Variants in RNF125 observed in about 807,000 individuals in gnomAD.
RNF125 encodes the protein ring finger protein 125, also known as E3 ubiquitin-protein ligase RNF125.
A neutral mutation model predicts 26.0 loss-of-function variants in RNF125; 21 were observed. The ratio of observed to expected loss-of-function variants is 0.81; its 90% CI spans 0.57 to 1.16. The LOEUF (loss-of-function observed/expected upper bound fraction) is 1.16. RNF125 is among the 50% of genes most tolerant of loss of function. The pLI is 0.00. For missense variants in RNF125, 270 were observed against 299.4 expected (o/e 0.90, Z 0.72); for synonymous variants, 95 against 109.2 (o/e 0.87, Z 0.81).
At chr18:32,030,801 C>T (rs1359039348) in intron 1 of RNF125, among the ~76,000 whole-genome samples, 2 of 152,180 alleles carry the variant, frequency 1.3e-5, no homozygotes, top group Non-Finnish European at 2.9e-5. Flanking sequence ...GGGTCATCCC[C>T]TGGTGGAAAG....
In RNF125 at chr18:32,019,002, C is replaced by G. The variant is rs2038959053; in HGVS notation, c.139C>G (p.Pro47Ala). The G allele has an allele frequency of 6.2e-7, 1 of 1,613,420 alleles. No homozygotes were observed. Among genetic ancestry groups the G allele is most frequent in the Non-Finnish European group, 8.5e-7 (1 of 1,179,720 alleles). Residue 47 changes from proline to alanine, a missense_variant, in exon 1 of 6, where the codon CCT (proline) becomes GCT (alanine). Coordinates refer to ENST00000217740, the MANE Select transcript of RNF125 (RefSeq NM_017831.4). ...CAVCLEVLHQPVRTRCGHVFC... is the reference protein window; with the variant it reads ...CAVCLEVLHQAVRTRCGHVFC... ...CGTGTGCCTTGAGGTGTTACACCAGCCTGTCCGGACCCGCTGTGGCCACGT... is the reference window on the plus strand; with the variant it reads ...CGTGTGCCTTGAGGTGTTACACCAGGCTGTCCGGACCCGCTGTGGCCACGT...
the RNF125 span, among the ~76,000 whole-genome samples, chr18:32,080,848 C>T: frequency 1.3e-4 from 20 of 152,236 alleles, no homozygotes; most frequent in African/African-American, 4.8e-4. Flanking sequence ...TGCACTCTAG[C>T]CTGGGGGACT....
chr18:32,049,689 T>G (rs1356579386), intron 4 of RNF125, among the ~76,000 whole-genome samples: 2 of 152,008 alleles, frequency 1.3e-5, no homozygotes, highest in Non-Finnish European at 2.9e-5. Flanking sequence ...AGGAGCAGAT[T>G]GTTCAGAAAT....
intron 2 of RNF125, among the ~76,000 whole-genome samples, chr18:32,038,728 AGAGT>A (rs1015080809): frequency 1.3e-5 from 2 of 152,166 alleles, no homozygotes; most frequent in African/African-American, 4.8e-5. Flanking sequence ...CCAGAGAAAG[AGAGT>A]AAGTTTTGGA....
intron 2 of RNF125, among the ~76,000 whole-genome samples, chr18:32,037,898 C>T (rs2039175180): frequency 6.6e-6 from 1 of 152,144 alleles, no homozygotes; most frequent in Non-Finnish European, 1.5e-5. Context: ...AGAAACGGAA[C>T]ATGGGCGGGG....
intron 2 of RNF125, among the ~76,000 whole-genome samples, chr18:32,038,024 C>T (rs1348042716): frequency 6.6e-6 from 1 of 150,760 alleles, no homozygotes; most frequent in African/African-American, 2.4e-5. Context: ...TGCTACCACT[C>T]ACTCTTTGGG....
the RNF125 span, among the ~76,000 whole-genome samples, chr18:32,080,862 C>T: frequency 6.6e-6 from 1 of 151,726 alleles, no homozygotes; most frequent in African/African-American, 2.4e-5. Flanking sequence ...GGGGACTGTG[C>T]GAGACTGCGT....
intron 5 of RNF125, among the ~76,000 whole-genome samples, chr18:32,067,108 T>C (rs1292353996): frequency 6.6e-6 from 1 of 151,974 alleles, no homozygotes; most frequent in Non-Finnish European, 1.5e-5. Context: ...AGAAAATTAG[T>C]TGGGCATGGT....
the RNF125 span, among the ~76,000 whole-genome samples, chr18:32,085,138 A>G: frequency 1.8e-3 from 278 of 152,260 alleles, no homozygotes; most frequent in African/African-American, 6.6e-3. Flanking sequence ...CAGCTAGGAA[A>G]CTGGGACAGG....
At chr18:32,023,717 C>T (rs2039006562) in intron 1 of RNF125, among the ~76,000 whole-genome samples, 1 of 152,128 alleles carries the variant, frequency 6.6e-6, no homozygotes, top group Admixed American at 6.6e-5. Context: ...ATACTCAAAA[C>T]CCAGTTTGTG....
chr18:32,080,970 A>G, the RNF125 span, among the ~76,000 whole-genome samples: 1 of 152,164 alleles, frequency 6.6e-6, no homozygotes, highest in Non-Finnish European at 1.5e-5. Context: ...GCGGATCACG[A>G]GGTCAGGAGT....
chr18:32,063,541 TATC>T (rs918955083), intron 4 of RNF125, among the ~76,000 whole-genome samples: 2 of 151,494 alleles, frequency 1.3e-5, no homozygotes, highest in African/African-American at 4.9e-5. Context: ...AACATATACT[TATC>T]ATATAACCAG....
At chr18:32,049,085 C>T (rs1023617155) in intron 4 of RNF125, among the ~76,000 whole-genome samples, 4 of 152,166 alleles carry the variant, frequency 2.6e-5, no homozygotes, top group African/African-American at 7.2e-5. Context: ...TGGTCAGTTC[C>T]GTGGTACTGT....
intron 4 of RNF125, among the ~76,000 whole-genome samples, chr18:32,047,917 G>A (rs1284362709): frequency 1.3e-5 from 2 of 152,174 alleles, no homozygotes; most frequent in African/African-American, 4.8e-5. Flanking sequence ...TTGAGGCCAA[G>A]AGTTCGAGAC....
At chr18:32,051,128 T>C (rs2039322871) in intron 4 of RNF125, among the ~76,000 whole-genome samples, 1 of 152,084 alleles carries the variant, frequency 6.6e-6, no homozygotes, top group African/African-American at 2.4e-5. Flanking sequence ...TAATTTCAGC[T>C]TTTGCTTTTC....
At chr18:32,059,484 G>C (rs1438727323) in intron 4 of RNF125, among the ~76,000 whole-genome samples, 1 of 152,088 alleles carries the variant, frequency 6.6e-6, no homozygotes, top group African/African-American at 2.4e-5. Flanking sequence ...TTCTTTTCCT[G>C]TAGAGTTGTT....
chr18:32,032,550 C>T (rs2039107949), intron 1 of RNF125, among the ~76,000 whole-genome samples: 1 of 152,028 alleles, frequency 6.6e-6, no homozygotes, highest in African/African-American at 2.4e-5. Flanking sequence ...TCCCCCCAAG[C>T]CAAACTTTAT....
At chr18:32,073,901 G>T (rs959621609), downstream of RNF125, among the ~76,000 whole-genome samples, 1 of 152,134 alleles carries the variant, frequency 6.6e-6, no homozygotes, top group African/African-American at 2.4e-5. Flanking sequence ...TGAGATCCTT[G>T]AAGCTAATAG....
intron 1 of RNF125, among the ~76,000 whole-genome samples, chr18:32,023,524 G>A (rs1440968038): frequency 1.3e-5 from 2 of 152,086 alleles, no homozygotes; most frequent in Admixed American, 6.6e-5. Context: ...AGGGTACCAG[G>A]CCAATCTTTT....
Sources: gnomAD v4.1 joint callset for allele counts (sites outside exome capture counted in the v4.1 genomes callset) on GRCh38, gnomAD v4.1.1 for gene constraint, MANE v1.5 for transcripts, NCBI Gene and HGNC (gene_info 2026-07-23, HGNC 2026-07-21) for gene names.